TMEM156: variants seen among roughly 807,000 people sequenced by gnomAD.
TMEM156 encodes transmembrane protein 156.
TMEM156 carries 28 observed loss-of-function variants against 30.5 expected under a neutral mutation model. That is an observed-to-expected ratio of 0.92 (90% CI 0.68 to 1.26). TMEM156 has a LOEUF of 1.26. Ranked by LOEUF, TMEM156 falls within the 50% of genes most tolerant of loss-of-function variation. The pLI is 0.00. For synonymous variants in TMEM156, 137 were observed against 119.9 expected, an observed-to-expected ratio of 1.14 and a Z score of -0.93; for missense variants, 351 against 340.6, an observed-to-expected ratio of 1.03 and a Z score of -0.24.
intron 1 of TMEM156, among the ~76,000 whole-genome samples, chr4:39,000,015 C>T (rs950471504): frequency 6.6e-6 from 1 of 152,282 alleles, no homozygotes. Flanking sequence ...AAGATGACAG[C>T]CTAATTTTTA....
In TMEM156 at chr4:39,027,758, C is replaced by CTTT. The variant is rs112766367; in HGVS notation, c.88+4465_88+4467dup. ...TTTTCTTTCTGTCTTTTTTCTTTTT[C>CTTT]TTTTTTTTTTTTTTTTGAGAAGAAG... is the stretch of plus-strand genomic sequence containing the variant. On this transcript the variant is annotated intron_variant, in intron 1 of 6. Transcript: ENST00000381938. 2.4e-3 allele frequency among the ~76,000 whole-genome samples: 290 copies of CTTT among 120,734 alleles called. 8 individuals carry two copies. Among genetic ancestry groups the CTTT allele is most frequent in the Middle Eastern group, 8.2e-3 (2 of 244 alleles). 79.2% of individuals were successfully genotyped at this position (120,734 alleles called of 152,430 possible). A position where few individuals can be genotyped will look rare whatever the true frequency, so the allele number is the denominator to read the frequency against.
intron 1 of TMEM156, among the ~76,000 whole-genome samples, chr4:39,019,033 C>CA (rs869141514): frequency 0.023 from 438 of 19,364 alleles, no homozygotes; most frequent in Middle Eastern, 0.045. Flanking sequence ...AAAAACAAAA[C>CA]AAAAAAAAAA....
At chr4:38,994,116 C>T in intron 2 of TMEM156, 118 bp from the exon 3 acceptor site, 2 of 910,726 alleles carry the variant, frequency 2.2e-6, no homozygotes, top group Non-Finnish European at 3.3e-6. Context: ...AAGAAGTTTC[C>T]TACACTAAAA....
At chr4:39,011,428 C>T (rs542907623) in intron 1 of TMEM156, among the ~76,000 whole-genome samples, 4 of 151,516 alleles carry the variant, frequency 2.6e-5, no homozygotes, top group African/African-American at 9.7e-5. Context: ...AATCGTTCTA[C>T]CAAAAAGACA....
At chr4:39,018,969 C>G (rs1577580037) in intron 1 of TMEM156, among the ~76,000 whole-genome samples, 2 of 146,826 alleles carry the variant, frequency 1.4e-5, no homozygotes, top group South Asian at 4.3e-4. Flanking sequence ...TGCAGTGAGC[C>G]AAGATCACGC....
chr4:38,992,682 TTATATAATATATTATATA>T (rs1560366659), intron 3 of TMEM156, among the ~76,000 whole-genome samples: 1,458 of 45,578 alleles, frequency 0.032, 26 homozygotes, highest in African/African-American at 0.053. Context: ...ATATAATATA[TTATATAATATATTATATA>T]ATATATATAT....
At position 38,986,336 on chromosome 4, in the gene TMEM156, C is replaced by T. The variant is rs1711978057; in HGVS notation, c.823G>A (p.Ala275Thr). 6.2e-7 allele frequency: 1 copy of T among 1,612,606 alleles called. No homozygotes were observed. Among genetic ancestry groups the T allele is most frequent in the East Asian group, 2.2e-5 (1 of 44,856 alleles). Residue 275 changes from alanine to threonine, a missense_variant and splice_region_variant, in exon 5 of 7, where the codon GCA becomes ACA. Coordinates refer to ENST00000381938, the MANE Select transcript of TMEM156 (RefSeq NM_024943.3). ...LRALNVQVLS[A>T]ETTQRLPLDQ... ...TTTGTTTACATGCCACAGAACTTAC[C>T]TGAAAGAACCTGCACATTCAATGCT... is the stretch of plus-strand genomic sequence containing the variant.
At chr4:39,014,957 T>A (rs1186879143) in intron 1 of TMEM156, among the ~76,000 whole-genome samples, 4 of 152,202 alleles carry the variant, frequency 2.6e-5, no homozygotes, top group Admixed American at 2.6e-4. Flanking sequence ...GTGAAAATCA[T>A]CTGAAACAGA....
intron 5 of TMEM156, chr4:38,980,882 C>T (rs1295227173): frequency 4.1e-6 from 4 of 969,102 alleles, no homozygotes; most frequent in Non-Finnish European, 4.9e-6. Flanking sequence ...CATGTTTTAC[C>T]ATCAATTCTT....
intron 6 of TMEM156, among the ~76,000 whole-genome samples, chr4:38,968,157 A>G (rs1579444518): frequency 6.6e-6 from 1 of 152,168 alleles, no homozygotes; most frequent in South Asian, 2.1e-4. Flanking sequence ...GACCAAGGAA[A>G]CCTAGAGTCT....
rs531041679 is a variant in TMEM156, at chr4:38,967,191, C to T, written c.*489G>A. 1.8e-4 allele frequency: 28 copies of T among 152,100 alleles called. 1 individual carries two copies. The highest frequency in any genetic ancestry group is 5.9e-5 in the Non-Finnish European group (4 of 68,022). The allele number at this position is 152,100 out of a possible 1,614,324, so 9.4% of individuals were successfully genotyped here. A position where few individuals can be genotyped will look rare whatever the true frequency, so the allele number is the denominator to read the frequency against. On this transcript the variant is annotated 3_prime_UTR_variant, in exon 7 of 7. Coordinates refer to ENST00000381938, the MANE Select transcript of TMEM156 (RefSeq NM_024943.3). ...TATAAATAAACAACCAGGCCCTCTT[C>T]CCTTTTAAATAATCTGTGAAATAAA... is the stretch of plus-strand genomic sequence containing the variant.
intron 3 of TMEM156, among the ~76,000 whole-genome samples, chr4:38,990,830 G>GTTTTTTTTTTTTGTTTTGTTT (rs1560365255): frequency 1.2e-5 from 1 of 81,216 alleles, no homozygotes; most frequent in Non-Finnish European, 2.4e-5. Flanking sequence ...TTGTTTTCTG[G>GTTTTTTTTTTTTGTTTTGTTT]TTTTTTTTTT....
At chr4:39,024,112 T>C (rs1715049540) in intron 1 of TMEM156, among the ~76,000 whole-genome samples, 1 of 152,194 alleles carries the variant, frequency 6.6e-6, no homozygotes, top group South Asian at 2.1e-4. Context: ...CTTGGCTCAC[T>C]GCAACCTCCG....
chr4:39,018,849 C>T (rs187758581), intron 1 of TMEM156, among the ~76,000 whole-genome samples: 64 of 151,996 alleles, frequency 4.2e-4, no homozygotes, highest in African/African-American at 1.4e-3. Flanking sequence ...GGTGAAACCC[C>T]GTCTCTACTA....
intron 1 of TMEM156, among the ~76,000 whole-genome samples, chr4:39,023,125 G>C (rs921024236): frequency 3.9e-5 from 6 of 152,162 alleles, no homozygotes; most frequent in African/African-American, 1.4e-4. Context: ...GACCAGAGAG[G>C]TAACTAGTCC....
chr4:39,019,696 T>C (rs1714737332), intron 1 of TMEM156, among the ~76,000 whole-genome samples: 1 of 152,162 alleles, frequency 6.6e-6, no homozygotes, highest in Non-Finnish European at 1.5e-5. Flanking sequence ...ACAAAAATTA[T>C]ATATATATTT....
intron 1 of TMEM156, among the ~76,000 whole-genome samples, chr4:39,003,956 C>A (rs1236480714): frequency 6.6e-6 from 1 of 152,036 alleles, no homozygotes; most frequent in African/African-American, 2.4e-5. Flanking sequence ...CCTTTATATT[C>A]GGCTATGGGG....
chr4:39,016,713 T>C (rs1714508483), intron 1 of TMEM156, among the ~76,000 whole-genome samples: 1 of 152,258 alleles, frequency 6.6e-6, no homozygotes, highest in Non-Finnish European at 1.5e-5. Context: ...TTCTTTTTGT[T>C]ACTAGAATCT....
At chr4:39,029,669 G>C (rs1176922765) in intron 1 of TMEM156, among the ~76,000 whole-genome samples, 1 of 11,934 alleles carries the variant, frequency 8.4e-5, no homozygotes, top group Non-Finnish European at 1.4e-4. Flanking sequence ...AGCCGAGATC[G>C]CGCCACTGCA....
Sources: allele counts gnomAD v4.1 joint callset (sites outside exome capture counted in the v4.1 genomes callset), GRCh38; gene constraint gnomAD v4.1.1; transcripts MANE v1.5; gene names NCBI Gene and HGNC (gene_info 2026-07-23, HGNC 2026-07-21).